The following SLC25A48 variants were observed in gnomAD, a reference collection of about 807,000 sequenced individuals.
The protein encoded by SLC25A48 is solute carrier family 25 member 48, also known as CTC-321K16.1.
In SLC25A48, 29 loss-of-function variants were observed where a neutral mutation model predicts 32.2. The ratio of observed to expected loss-of-function variants is 0.90; its 90% confidence interval spans 0.67 to 1.23. The LOEUF (loss-of-function observed/expected upper bound fraction) is 1.23, where lower values mean the gene tolerates loss of function less well. Ranked by LOEUF, SLC25A48 falls within the 50% of genes most tolerant of loss-of-function variation. The pLI is 0.00. For missense variants in SLC25A48, 399 were observed against 422.7 expected, an observed-to-expected ratio of 0.94 and a Z score of 0.49; for synonymous variants, 164 against 172.3, an observed-to-expected ratio of 0.95 and a Z score of 0.38.
At chr5:135,791,056 T>C (rs1757017423) in intron 3 of SLC25A48, among the ~76,000 whole-genome samples, 1 of 150,854 alleles carries the variant, frequency 6.6e-6, no homozygotes, top group Admixed American at 6.6e-5. Flanking sequence ...CCTGTGATAC[T>C]CTTTGTAATA....
At chr5:135,580,704 A>C (rs1751212322) in intron 1 of SLC25A48, among the ~76,000 whole-genome samples, 1 of 152,172 alleles carries the variant, frequency 6.6e-6, no homozygotes, top group Non-Finnish European at 1.5e-5. Context: ...ATATAGAAAC[A>C]ACACGTTTGC....
intron 3 of SLC25A48, among the ~76,000 whole-genome samples, chr5:135,653,652 G>A (rs1753170231): frequency 6.6e-6 from 1 of 152,196 alleles, no homozygotes; most frequent in African/African-American, 2.4e-5. Context: ...CAGGCTAGTT[G>A]AGGTACAAAG....
At chr5:135,881,400 A>G (rs1465135769) in intron 7 of SLC25A48, among the ~76,000 whole-genome samples, 1 of 152,230 alleles carries the variant, frequency 6.6e-6, no homozygotes, top group Admixed American at 6.5e-5. Flanking sequence ...GGCCTGACCA[A>G]TCAGGCAGAC....
intron 1 of SLC25A48, among the ~76,000 whole-genome samples, chr5:135,605,443 C>T (rs1284135959): frequency 6.6e-6 from 1 of 152,162 alleles, no homozygotes; most frequent in Non-Finnish European, 1.5e-5. Context: ...AGTGAGGATG[C>T]TTGGGGAGAA....
intron 3 of SLC25A48, among the ~76,000 whole-genome samples, chr5:135,673,211 A>C (rs548914186): frequency 6.6e-6 from 1 of 152,308 alleles, no homozygotes; most frequent in African/African-American, 2.4e-5. Context: ...TCTTTGTGTG[A>C]AAATGTATTT....
intron 4 of SLC25A48, among the ~76,000 whole-genome samples, chr5:135,859,833 A>C (rs533732791): frequency 6.6e-6 from 1 of 152,276 alleles, no homozygotes; most frequent in South Asian, 2.1e-4. Flanking sequence ...AAGATACCTC[A>C]AAGGGCAAAT....
At chr5:135,604,406 A>T (rs1027978096) in intron 1 of SLC25A48, among the ~76,000 whole-genome samples, 4 of 152,236 alleles carry the variant, frequency 2.6e-5, no homozygotes, top group Non-Finnish European at 5.9e-5. Context: ...ATGAGAAATT[A>T]AGTGCAGATA....
At chr5:135,815,845 AT>A (rs1757703097) in intron 4 of SLC25A48, among the ~76,000 whole-genome samples, 1 of 152,140 alleles carries the variant, frequency 6.6e-6, no homozygotes, top group Admixed American at 6.5e-5. Flanking sequence ...TCATATTTTT[AT>A]TTTAAAAAAA....
chr5:135,757,433 A>T (rs1412200740), intron 3 of SLC25A48, among the ~76,000 whole-genome samples: 1 of 149,290 alleles, frequency 6.7e-6, no homozygotes, highest in Non-Finnish European at 1.5e-5. Context: ...ATAAAATATC[A>T]TCTATATATT....
At chr5:135,583,390 G>T (rs988021199) in intron 1 of SLC25A48, among the ~76,000 whole-genome samples, 3 of 152,014 alleles carry the variant, frequency 2.0e-5, no homozygotes, top group African/African-American at 4.8e-5. Flanking sequence ...GTCTTGACTG[G>T]TCAAGGCTGG....
At chr5:135,838,389 A>G (rs1469257931) in intron 1 of SLC25A48, among the ~76,000 whole-genome samples, 4 of 152,378 alleles carry the variant, frequency 2.6e-5, no homozygotes. Flanking sequence ...CAGCCTAACA[A>G]TGCAATAGAA....
intron 3 of SLC25A48, among the ~76,000 whole-genome samples, chr5:135,654,203 C>T (rs183581020): frequency 5.3e-5 from 8 of 152,220 alleles, no homozygotes; most frequent in East Asian, 1.9e-4. Flanking sequence ...CCATGTATTA[C>T]GGCAATGGAA....
intron 7 of SLC25A48, 180 bp downstream of exon 7, chr5:135,880,277 A>G: frequency 1.1e-6 from 1 of 908,924 alleles, no homozygotes; most frequent in Non-Finnish European, 1.6e-6. Flanking sequence ...AATGCCCACC[A>G]GTGACTGGTG....
intron 3 of SLC25A48, among the ~76,000 whole-genome samples, chr5:135,637,242 C>T (rs974640540): frequency 6.6e-6 from 1 of 152,210 alleles, no homozygotes; most frequent in Admixed American, 6.5e-5. Flanking sequence ...ACCATACCTT[C>T]CTGCTGGAGT....
intron 3 of SLC25A48, chr5:135,649,113 C>G (rs1347615815): frequency 6.6e-6 from 1 of 152,208 alleles, no homozygotes; most frequent in Non-Finnish European, 1.5e-5. Context: ...CCCAGCTAAC[C>G]AATTTATGGG....
intron 3 of SLC25A48, among the ~76,000 whole-genome samples, chr5:135,696,509 G>A (rs1271312543): frequency 6.6e-6 from 1 of 152,170 alleles, no homozygotes; most frequent in Non-Finnish European, 1.5e-5. Flanking sequence ...GTGAATGAAT[G>A]AATGAATGAA....
chr5:135,786,762 C>T (rs79329935), intron 3 of SLC25A48, among the ~76,000 whole-genome samples: 5,386 of 152,146 alleles, frequency 0.035, 120 homozygotes, highest in Non-Finnish European at 0.046. Context: ...AGTGGGTGTA[C>T]ACCCTGTGTC....
chr5:135,726,953 C>A (rs1755104147), intron 3 of SLC25A48, among the ~76,000 whole-genome samples: 1 of 152,022 alleles, frequency 6.6e-6, no homozygotes, highest in Admixed American at 6.6e-5. Context: ...TTCTATAGAT[C>A]CTCGGCAGCA....
At chr5:135,817,836 C>CAAGA (rs1343209807) in intron 4 of SLC25A48, among the ~76,000 whole-genome samples, 1 of 152,190 alleles carries the variant, frequency 6.6e-6, no homozygotes, top group Non-Finnish European at 1.5e-5. Context: ...AACAATCTTA[C>CAAGA]AAGAAGTGGG....
Sources: allele counts gnomAD v4.1 joint callset (sites outside exome capture counted in the v4.1 genomes callset), GRCh38; gene constraint gnomAD v4.1.1; transcripts MANE v1.5; gene names NCBI Gene and HGNC (gene_info 2026-07-23, HGNC 2026-07-21).